Variants in CHL1 observed in about 807,000 individuals in gnomAD.
The protein encoded by CHL1 is cell adhesion molecule L1 like, also known as neural cell adhesion molecule L1-like protein.
Under a neutral mutation model 141.9 loss-of-function variants are expected in CHL1, and 96 were observed. The ratio of observed to expected loss-of-function variants is 0.68; its 90% CI spans 0.57 to 0.80. The LOEUF is 0.80. Among genes scored for constraint, CHL1 ranks in the 30% least tolerant of loss-of-function variants. The probability of loss-of-function intolerance (pLI) is 0.00; values close to 1 mark genes in which losing one functional copy is unlikely to be tolerated. For synonymous variants in CHL1, 613 were observed against 502.2 expected (o/e 1.22, Z -2.95); for missense variants, 1,820 against 1,457.2 (o/e 1.25, Z -4.05).
rs762231065 is a variant in CHL1, at chr3:360,451, C to T, written c.1306+27C>T. On this transcript the variant is annotated intron_variant, in intron 12 of 27. Coordinates refer to ENST00000256509, the MANE Select transcript of CHL1 (RefSeq NM_006614.4). ...TGAGTGTGCCTGGGAGCTGACTTAA[C>T]ATGCTATTTTCCTAAGGAAAGTGGT... 6 of 1,609,838 alleles carry T rather than the reference C, an allele frequency of 3.7e-6. No individual in the cohort carries two copies. The African/African-American group carries it at 5.3e-5, about 14-fold the overall frequency.
chr3:242,739 A>T (rs1015070266), intron 1 of CHL1, among the ~76,000 whole-genome samples: 2 of 152,196 alleles, frequency 1.3e-5, no homozygotes, highest in Non-Finnish European at 2.9e-5. Context: ...GAACTTACAT[A>T]CATGATTAAT....
rs71058760 is a variant in CHL1, at chr3:252,361, GATATAT to G, written c.-95+7704_-95+7709del. ...AGCCACAGATTTAAGAAAGCATCCA[GATATAT>G]ATATATATATATATATATATATATA... is the stretch of plus-strand genomic sequence containing the variant. On this transcript the variant is annotated intron_variant, in intron 2 of 27. Coordinates refer to ENST00000256509, the MANE Select transcript of CHL1 (RefSeq NM_006614.4). Among the ~76,000 whole-genome samples, 264 of 54,296 alleles carry G rather than the reference GATATAT, an allele frequency of 4.9e-3. 1 individual carries two copies. The highest frequency in any genetic ancestry group is 9.1e-3 in the East Asian group (9 of 994). The allele number at this position is 54,296 out of a possible 152,430, so 35.6% of individuals were successfully genotyped here. A position where few individuals can be genotyped will look rare whatever the true frequency, so the allele number is the denominator to read the frequency against.
At chr3:309,945 C>T (rs1699616317) in intron 2 of CHL1, among the ~76,000 whole-genome samples, 1 of 152,118 alleles carries the variant, frequency 6.6e-6, no homozygotes. Flanking sequence ...TTTCCAGACT[C>T]AATGAGAGTC....
intron 1 of CHL1, among the ~76,000 whole-genome samples, chr3:229,280 C>T (rs1308788246): frequency 6.6e-6 from 1 of 152,132 alleles, no homozygotes. Flanking sequence ...TCGGTAACTT[C>T]ATTAATTTTG....
chr3:365,522 T>C (rs1704761386), intron 14 of CHL1, among the ~76,000 whole-genome samples: 1 of 152,218 alleles, frequency 6.6e-6, no homozygotes, highest in African/African-American at 2.4e-5. Flanking sequence ...CATCCATTCA[T>C]GGGCTTAAAC....
At position 365,931 on chromosome 3, in the gene CHL1, CTTTG is replaced by C. The variant is rs755589770; in HGVS notation, c.1586-14_1586-11del. The C allele has an allele frequency of 2.0e-5, 32 of 1,604,130 alleles. No homozygotes were observed. In the South Asian group the frequency reaches 2.7e-4, roughly 13 times the overall value. On this transcript the variant is annotated splice_polypyrimidine_tract_variant and intron_variant, in intron 14 of 27. Coordinates refer to ENST00000256509, the MANE Select transcript of CHL1 (RefSeq NM_006614.4). ...AGTTACGCTTAGTTCTAACTAATAT[CTTTG>C]TTTGGTAAAAACAGATGCTACAAAA...
At chr3:333,126 TTTTTTTA>T (rs1415188004) in intron 5 of CHL1, among the ~76,000 whole-genome samples, 2 of 100,542 alleles carry the variant, frequency 2.0e-5, no homozygotes, top group South Asian at 4.4e-4. Context: ...ATTGCTCTAT[TTTTTTTA>T]TTTTTTTTTT....
At chr3:367,177 T>C (rs1310758003) in intron 15 of CHL1, among the ~76,000 whole-genome samples, 1 of 152,268 alleles carries the variant, frequency 6.6e-6, no homozygotes, top group African/African-American at 2.4e-5. Flanking sequence ...TTTGAAAATA[T>C]GAGAAAGTCA....
rs748858987 is a variant in CHL1 at position 340,823 on chromosome 3, G to A, written c.415G>A (p.Asp139Asn). 6.2e-7 allele frequency: 1 copy of A among 1,611,030 alleles called. No individual in the cohort carries two copies. Among genetic ancestry groups the A allele is most frequent in the Non-Finnish European group, 8.5e-7 (1 of 1,178,100 alleles). Residue 139 changes from aspartate to asparagine, a missense_variant, in exon 6 of 28, where the codon GAC becomes AAC. By Grantham distance (23) the Asp-to-Asn change is conservative. Transcript: ENST00000256509. ...SVPKFPKEKIDPLEVEEGDPI... is the reference protein window; with the variant it reads ...SVPKFPKEKINPLEVEEGDPI... ...TCCAAAATTCCCAAAAGAAAAAATT[G>A]ACCCTCTTGAAGTGGAGGAGGGAGA... is the stretch of plus-strand genomic sequence containing the variant.
intron 10 of CHL1, among the ~76,000 whole-genome samples, chr3:351,706 T>G (rs779995330): frequency 1.1e-4 from 16 of 152,180 alleles, no homozygotes; most frequent in Admixed American, 2.6e-4. Flanking sequence ...ATTGGATTCT[T>G]TCTGTATGTG....
chr3:293,582 A>C (rs17275196), intron 2 of CHL1, among the ~76,000 whole-genome samples: 39,604 of 151,956 alleles, frequency 0.26, 5,406 homozygotes, highest in Middle Eastern at 0.42. Flanking sequence ...AAATAAACAA[A>C]AAGAATACAT....
At chr3:307,840 A>G (rs1278450232) in intron 2 of CHL1, among the ~76,000 whole-genome samples, 1 of 152,230 alleles carries the variant, frequency 6.6e-6, no homozygotes, top group Non-Finnish European at 1.5e-5. Context: ...TTGACTGACT[A>G]TACTTATGGG....
intron 15 of CHL1, among the ~76,000 whole-genome samples, chr3:376,230 G>C (rs916867428): frequency 3.9e-5 from 6 of 152,212 alleles, no homozygotes; most frequent in Admixed American, 2.6e-4. Flanking sequence ...GGAGCTGTCT[G>C]TTACTGCAGC....
chr3:282,057 CT>C (rs1230215936), intron 2 of CHL1, among the ~76,000 whole-genome samples: 2 of 152,014 alleles, frequency 1.3e-5, no homozygotes, highest in African/African-American at 4.8e-5. Flanking sequence ...TATGTCTTTG[CT>C]TTTTTATTCC....
intron 1 of CHL1, among the ~76,000 whole-genome samples, chr3:242,712 A>C (rs1239840520): frequency 6.8e-6 from 1 of 147,690 alleles, no homozygotes; most frequent in Non-Finnish European, 1.5e-5. Flanking sequence ...AGAGAGAGAG[A>C]TTAGATTAGT....
intron 27 of CHL1, among the ~76,000 whole-genome samples, chr3:402,291 C>T (rs545986046): frequency 2.6e-5 from 4 of 152,162 alleles, no homozygotes; most frequent in Non-Finnish European, 4.4e-5. Context: ...AACCACTGGA[C>T]AGAGGATGAC....
At chr3:360,981 C>T (rs1704192872) in intron 12 of CHL1, among the ~76,000 whole-genome samples, 1 of 151,752 alleles carries the variant, frequency 6.6e-6, no homozygotes, top group African/African-American at 2.4e-5. Context: ...TTTCTTAATC[C>T]AGTCTATCAT....
At chr3:226,698 T>G (rs547665990) in intron 1 of CHL1, among the ~76,000 whole-genome samples, 22 of 152,120 alleles carry the variant, frequency 1.4e-4, no homozygotes, top group African/African-American at 5.3e-4. Flanking sequence ...CCACCTGCCT[T>G]GACCTCCCAA....
chr3:278,658 T>C (rs150379380), intron 2 of CHL1, among the ~76,000 whole-genome samples: 2 of 152,326 alleles, frequency 1.3e-5, no homozygotes, highest in East Asian at 1.9e-4. Context: ...TAAATTGTAT[T>C]TGGAAACAAT....
Sources: allele counts gnomAD v4.1 joint callset (sites outside exome capture counted in the v4.1 genomes callset), GRCh38; gene constraint gnomAD v4.1.1; transcripts MANE v1.5; gene names NCBI Gene and HGNC (gene_info 2026-07-23, HGNC 2026-07-21).